Variants in GOLGB1 observed in about 807,000 individuals in gnomAD.
The protein encoded by GOLGB1 is golgin B1.
A neutral mutation model predicts 336.9 loss-of-function variants in GOLGB1; 174 were observed. The observed-to-expected ratio is 0.52, with a 90% CI of 0.46 to 0.59. The LOEUF (loss-of-function observed/expected upper bound fraction) is 0.59. Ranked by LOEUF, GOLGB1 falls within the 20% of genes least tolerant of loss-of-function variation. The probability of loss-of-function intolerance (pLI) is 0.00; values close to 1 mark genes in which losing one functional copy is unlikely to be tolerated. For synonymous variants in GOLGB1, 1,208 were observed against 1,289.2 expected, an observed-to-expected ratio of 0.94 and a Z score of 1.35; for missense variants, 3,331 against 3,645.3, an observed-to-expected ratio of 0.91 and a Z score of 2.22.
At chr3:121,718,652 C>T in intron 7 of GOLGB1, 151 bp from the exon 8 acceptor site, 2 of 610,638 alleles carry the variant, frequency 3.3e-6, no homozygotes, top group Admixed American at 2.9e-5. Context: ...CCATGCTCCC[C>T]CCATCCAGCA....
rs1334403037 is a variant in GOLGB1, at chr3:121,691,896, C to T, written c.7468G>A (p.Glu2490Lys). ...RIVGDYQQLE[E>K]RHLSIILEKD... ...TCCAAGATTATAGAGAGATGTCGCT[C>T]TTCCAGCTGTTGATAGTCACCCACT... Residue 2490 changes from glutamate (E) to lysine (K), a missense_variant, in exon 14 of 22, where the codon GAG (glutamate) becomes AAG (lysine). Physicochemically the swap from Glu to Lys is moderately conservative, Grantham distance 56. Coordinates refer to ENST00000614479, the MANE Select transcript of GOLGB1 (RefSeq NM_001366282.2). 1 of 1,614,006 alleles carries T rather than the reference C, an allele frequency of 6.2e-7. No individual in the cohort carries two copies. The highest frequency in any genetic ancestry group is 1.3e-5 in the African/African-American group (1 of 75,052).
Position 121,698,421 on chromosome 3 carries a change from A to C in GOLGB1, c.2102T>G (p.Leu701Arg), listed in dbSNP as rs757926542. 1.9e-6 allele frequency: 3 copies of C among 1,613,782 alleles called. No homozygotes were observed. In the African/African-American group the frequency reaches 4.0e-5, roughly 22 times the overall value. The change falls in exon 13 of 22, where the codon CTC (leucine) becomes CGC (arginine). Residue 701 changes from leucine (L) to arginine (R), a missense_variant. Physicochemically the swap from Leu to Arg is moderately radical, Grantham distance 102 (BLOSUM62 -2). Transcript: ENST00000614479. ...TTGTGCTTTATGAAAGTTTAGCTCGAGCTCCAAAATTTGACTTTTTAACCT... is the reference window on the plus strand; with the variant it reads ...TTGTGCTTTATGAAAGTTTAGCTCGCGCTCCAAAATTTGACTTTTTAACCT... Reference protein sequence around the residue: ...LERLKSQILELELNFHKAQEI... With the variant: ...LERLKSQILERELNFHKAQEI...
intron 1 of GOLGB1, among the ~76,000 whole-genome samples, chr3:121,733,012 T>C (rs1035441764): frequency 2.0e-5 from 3 of 152,156 alleles, no homozygotes; most frequent in African/African-American, 7.2e-5. Flanking sequence ...GGTTGCAGGA[T>C]ACAAAGTCAC....
intron 14 of GOLGB1, among the ~76,000 whole-genome samples, chr3:121,690,005 T>C (rs1251526734): frequency 1.3e-5 from 2 of 152,232 alleles, no homozygotes; most frequent in Non-Finnish European, 2.9e-5. Flanking sequence ...TCCTGACTCC[T>C]ACTAAAAGCT....
intron 1 of GOLGB1, among the ~76,000 whole-genome samples, chr3:121,742,621 A>T (rs554860225): frequency 6.6e-6 from 1 of 152,336 alleles, no homozygotes; most frequent in Non-Finnish European, 1.5e-5. Flanking sequence ...GACAAATGGG[A>T]TCTAATTAAA....
At position 121,696,020 on chromosome 3, in the gene GOLGB1, T is replaced by C; in HGVS notation, c.4503A>G (p.Leu1501=). The change falls in exon 13 of 22, where the codon CTA becomes CTG. Residue 1501 remains leucine (L), a synonymous_variant. Transcript: ENST00000614479. ...CCTCTTGGAGACTTTTGTTTTCTTT[T>C]AGTGCTTCTTTTCGGGAAATAAGGG... is the stretch of plus-strand genomic sequence containing the variant. ...QAALISRKEA[L]KENKSLQEEL... The C allele has an allele frequency of 3.1e-6, 5 of 1,614,182 alleles. No individual in the cohort carries two copies. Among genetic ancestry groups the C allele is most frequent in the African/African-American group, 1.3e-5 (1 of 75,064 alleles).
rs149422728 is a variant in GOLGB1, at chr3:121,692,380, A to G, written c.6984T>C (p.Asp2328=). 1.2e-6 allele frequency: 2 copies of G among 1,610,002 alleles called. No homozygotes were observed. The highest frequency in any genetic ancestry group is 1.7e-6 in the Non-Finnish European group (2 of 1,179,022). Residue 2328 remains aspartate (D), a synonymous_variant, in exon 14 of 22, where the codon GAT becomes GAC. Coordinates refer to ENST00000614479, the MANE Select transcript of GOLGB1 (RefSeq NM_001366282.2). ...TACATTTTTCTAAAGAGTTACTTAA[A>G]TCAGTCAACTGGTCTTTGAGACTCT... ...ELKSLKDQLT[D]LSNSLEKCKE... is the part of the protein sequence containing the mutation.
At chr3:121,693,547 C>T (rs10934557) in intron 13 of GOLGB1, among the ~76,000 whole-genome samples, 194 bp downstream of exon 13, 19,979 of 152,008 alleles carry the variant, frequency 0.13, 1,583 homozygotes, top group African/African-American at 0.21. Context: ...AGAGAAGATG[C>T]GAACTTTTCA....
At chr3:121,723,762 T>C (rs1268813954) in intron 5 of GOLGB1, among the ~76,000 whole-genome samples, 2 of 152,178 alleles carry the variant, frequency 1.3e-5, no homozygotes, top group Non-Finnish European at 2.9e-5. Context: ...CCGGCTCCCA[T>C]ATCTTTGAAC....
chr3:121,738,397 A>T (rs75640422), intron 1 of GOLGB1, among the ~76,000 whole-genome samples: 14,253 of 152,236 alleles, frequency 0.094, 907 homozygotes, highest in Non-Finnish European at 0.14. Flanking sequence ...TTACCAAAAA[A>T]CTACTTAACA....
intron 13 of GOLGB1, among the ~76,000 whole-genome samples, chr3:121,692,879 T>C (rs576855250): frequency 8.5e-5 from 13 of 152,330 alleles, no homozygotes; most frequent in South Asian, 8.3e-4. Context: ...TTTCTCCTAT[T>C]TTATTCTACT....
rs761808779 is a variant in GOLGB1, at chr3:121,694,379, T to C, written c.6144A>G (p.Lys2048=). 1.9e-6 allele frequency: 3 copies of C among 1,613,422 alleles called. No individual in the cohort carries two copies. Among genetic ancestry groups the C allele is most frequent in the Admixed American group, 3.3e-5 (2 of 60,000 alleles). The change falls in exon 13 of 22, where the codon AAA becomes AAG. Residue 2048 remains lysine, a synonymous_variant. Coordinates refer to ENST00000614479, the MANE Select transcript of GOLGB1 (RefSeq NM_001366282.2). Reference sequence around the variant, plus strand: ...ATTCAGTTTGAACAAATTCTAGAGCTTTAACAGTTCTCTCCAGAGCACTAA... The same window carrying C: ...ATTCAGTTTGAACAAATTCTAGAGCCTTAACAGTTCTCTCCAGAGCACTAA... ...EKISALERTV[K]ALEFVQTESQ...
intron 18 of GOLGB1, 115 bp from the exon 19 acceptor site, chr3:121,668,273 A>C: frequency 1.7e-6 from 1 of 582,522 alleles, no homozygotes. Flanking sequence ...CTCAAGTCCA[A>C]ATTTAGAAGT....
intron 10 of GOLGB1, among the ~76,000 whole-genome samples, chr3:121,707,723 T>C (rs1454012849): frequency 6.6e-6 from 1 of 152,088 alleles, no homozygotes; most frequent in Non-Finnish European, 1.5e-5. Context: ...TTGGCAAACT[T>C]TGGAGGCCTG....
In GOLGB1 at chr3:121,729,310, T is replaced by A. The variant is rs1314193483; in HGVS notation, c.280A>T (p.Lys94Ter). ...GCCTTCGCATGAAGTTTTAGTTTTT[T>A]AATTTTGTTATCAGCAGCTTTTCTC... ...EERKAADNKIKKLKLHAKAKL... is the reference protein window; with the variant it reads ...EERKAADNKI Residue 94 changes from lysine to a stop codon, truncating the protein, a stop_gained, in exon 4 of 22, where the codon AAA (lysine) becomes TAA (stop). Coordinates refer to ENST00000614479, the MANE Select transcript of GOLGB1 (RefSeq NM_001366282.2). LOFTEE classifies it high-confidence loss of function. 1.2e-6 allele frequency: 2 copies of A among 1,612,892 alleles called. No homozygotes were observed.
At chr3:121,665,906 T>C (rs1266738365) in intron 20 of GOLGB1, among the ~76,000 whole-genome samples, 1 of 152,236 alleles carries the variant, frequency 6.6e-6, no homozygotes, top group Non-Finnish European at 1.5e-5. Flanking sequence ...TTTGTGAGTC[T>C]AGAAAGAGAA....
Position 121,719,698 on chromosome 3 carries a change from T to C in GOLGB1, c.719A>G (p.Asp240Gly). 2 of 1,611,258 alleles carry C rather than the reference T, an allele frequency of 1.2e-6. No homozygotes were observed. The highest frequency in any genetic ancestry group is 2.2e-5 in the East Asian group (1 of 44,564). ...CTGGGTTACTAACTGAAGAAGCTCA[T>C]CTTCATGAAGACGAACTTGTGTTTC... Reference protein sequence around the residue: ...RFETQVRLHEDELLQLVTQAD... With the variant: ...RFETQVRLHEGELLQLVTQAD... Residue 240 changes from aspartate to glycine, a missense_variant, in exon 7 of 22, where the codon GAT becomes GGT. Transcript: ENST00000614479.
At chr3:121,683,381 G>T (rs1941326493) in intron 14 of GOLGB1, among the ~76,000 whole-genome samples, 1 of 152,136 alleles carries the variant, frequency 6.6e-6, no homozygotes. Context: ...CTGAGTGCTT[G>T]AAGTCTTTCC....
Position 121,698,388 on chromosome 3 carries a change from T to A in GOLGB1, c.2135A>T (p.Tyr712Phe), listed in dbSNP as rs889880066. The A allele has an allele frequency of 6.2e-7, 1 of 1,613,810 alleles. No individual in the cohort carries two copies. Among genetic ancestry groups the A allele is most frequent in the East Asian group, 2.2e-5 (1 of 44,870 alleles). The change falls in exon 13 of 22, where the codon TAT becomes TTT. Residue 712 changes from tyrosine (Y) to phenylalanine (F), a missense_variant. Physicochemically the swap from Tyr to Phe is conservative, Grantham distance 22. Coordinates refer to ENST00000614479, the MANE Select transcript of GOLGB1 (RefSeq NM_001366282.2). ...ELNFHKAQEI[Y>F]EKNLDEKAKE... is the part of the protein sequence containing the mutation. Reference sequence around the variant, plus strand: ...AGCTTTCTCATCTAAATTTTTCTCATAGATTTCTTGTGCTTTATGAAAGTT... The same window carrying A: ...AGCTTTCTCATCTAAATTTTTCTCAAAGATTTCTTGTGCTTTATGAAAGTT...
Sources: allele counts gnomAD v4.1 joint callset (sites outside exome capture counted in the v4.1 genomes callset), GRCh38; gene constraint gnomAD v4.1.1; transcripts MANE v1.5; gene names NCBI Gene and HGNC (gene_info 2026-07-23, HGNC 2026-07-21).